Variants in TDRD9 observed in about 807,000 individuals in gnomAD.
The protein encoded by TDRD9 is ATP-dependent RNA helicase TDRD9.
TDRD9 carries 124 observed loss-of-function variants against 172.6 expected under a neutral mutation model. That is an observed-to-expected ratio of 0.72 (90% CI 0.62 to 0.83). The LOEUF (loss-of-function observed/expected upper bound fraction) is 0.83, where lower values mean the gene tolerates loss of function less well. Among genes scored for constraint, TDRD9 ranks in the 40% least tolerant of loss-of-function variants. The pLI is 0.00. For missense variants in TDRD9, 1,479 were observed against 1,714.1 expected, an observed-to-expected ratio of 0.86 and a Z score of 2.42; for synonymous variants, 619 against 617.1, an observed-to-expected ratio of 1.00 and a Z score of -0.05.
At chr14:104,045,030 C>T (rs2035724553) in intron 34 of TDRD9, among the ~76,000 whole-genome samples, 1 of 152,074 alleles carries the variant, frequency 6.6e-6, no homozygotes, top group South Asian at 2.1e-4. Context: ...GTAATCCCAG[C>T]TACTTGAGAG....
At chr14:104,002,854 C>G (rs545226682) in intron 13 of TDRD9, among the ~76,000 whole-genome samples, 2 of 151,886 alleles carry the variant, frequency 1.3e-5, no homozygotes, top group Admixed American at 1.3e-4. Context: ...CTTCAGCCTC[C>G]CAGGTAGCTG....
At chr14:104,018,867 A>G (rs2034870345) in intron 23 of TDRD9, among the ~76,000 whole-genome samples, 1 of 152,222 alleles carries the variant, frequency 6.6e-6, no homozygotes, top group Non-Finnish European at 1.5e-5. Context: ...TTTAATGTCC[A>G]GTTCACTCAA....
rs887517973 is a variant in TDRD9 at position 103,983,427 on chromosome 14, GA to G, written c.1012-2782del. ...CTTAATTTACTCTAAGTAAAAATTG[GA>G]AAAAAAATTTGCCCCTGTGATTGGC... On this transcript the variant is annotated intron_variant, in intron 7 of 35. Transcript: ENST00000409874. 7.5e-4 allele frequency among the ~76,000 whole-genome samples: 114 copies of G among 151,874 alleles called. 1 individual carries two copies. The East Asian group carries it at 0.017, about 23-fold the overall frequency.
At chr14:103,988,901 G>C (rs748800232) in intron 8 of TDRD9, among the ~76,000 whole-genome samples, 2 of 151,890 alleles carry the variant, frequency 1.3e-5, no homozygotes, top group Non-Finnish European at 2.9e-5. Context: ...TAAGAAGGAA[G>C]GAGGCAAAAT....
intron 34 of TDRD9, among the ~76,000 whole-genome samples, chr14:104,044,880 C>T (rs751528631): frequency 3.3e-5 from 5 of 152,212 alleles, no homozygotes; most frequent in Non-Finnish European, 5.9e-5. Context: ...TATTGGCTTA[C>T]GCCTGTAATC....
At chr14:104,026,569 A>G (rs2035124703) in intron 27 of TDRD9, 110 bp from the exon 28 acceptor site, 2 of 1,299,470 alleles carry the variant, frequency 1.5e-6, no homozygotes, top group South Asian at 1.5e-5. Flanking sequence ...TGGGACTTTT[A>G]TGAGAATATT....
chr14:103,954,070 T>C (rs2032077711), intron 1 of TDRD9, among the ~76,000 whole-genome samples: 1 of 152,168 alleles, frequency 6.6e-6, no homozygotes, highest in Non-Finnish European at 1.5e-5. Context: ...TTGACAACAG[T>C]GCATTTAAAC....
chr14:103,932,218 A>G (rs1228511697), intron 1 of TDRD9, among the ~76,000 whole-genome samples: 1 of 152,180 alleles, frequency 6.6e-6, no homozygotes, highest in Non-Finnish European at 1.5e-5. Flanking sequence ...TAGGGTACAA[A>G]TCTGGTGGCA....
chr14:104,002,653 C>T (rs536700239), intron 13 of TDRD9, among the ~76,000 whole-genome samples: 6 of 152,030 alleles, frequency 3.9e-5, no homozygotes, highest in East Asian at 1.9e-4. Context: ...TTATAGTTTA[C>T]TATATGCAGA....
chr14:103,932,666 C>T (rs771121338), intron 1 of TDRD9, among the ~76,000 whole-genome samples: 2 of 150,910 alleles, frequency 1.3e-5, no homozygotes, highest in Non-Finnish European at 3.0e-5. Flanking sequence ...GGATTACAGG[C>T]GTGAGGTACT....
chr14:104,031,470 T>TTC (rs1555375135), intron 29 of TDRD9, among the ~76,000 whole-genome samples: 3 of 128,414 alleles, frequency 2.3e-5, no homozygotes, highest in Admixed American at 1.5e-4. Context: ...TTTGACTAGT[T>TTC]TTTTTTTTTT....
rs557359955 is a variant in TDRD9, at chr14:103,964,983, G to C, written c.421-350G>C. Among the ~76,000 whole-genome samples the C allele has an allele frequency of 3.9e-5, 6 of 152,134 alleles. No individual in the cohort carries two copies. In the East Asian group the frequency reaches 1.2e-3, roughly 29 times the overall value. Reference sequence around the variant, plus strand: ...AGCAATTTGGGAGGCTGAGGCAGGCGGATCACTTGATGTCAGGAGTTCAAG... The same window carrying C: ...AGCAATTTGGGAGGCTGAGGCAGGCCGATCACTTGATGTCAGGAGTTCAAG... On this transcript the variant is annotated intron_variant, in intron 3 of 35. Transcript: ENST00000409874.
intron 28 of TDRD9, among the ~76,000 whole-genome samples, chr14:104,028,965 C>T (rs75769224): frequency 6.6e-6 from 1 of 152,120 alleles, no homozygotes; most frequent in Non-Finnish European, 1.5e-5. Flanking sequence ...GTTCTTGGAG[C>T]CTTTGTTGAA....
chr14:104,021,329 G>A (rs2034948240), intron 23 of TDRD9, among the ~76,000 whole-genome samples: 1 of 152,102 alleles, frequency 6.6e-6, no homozygotes, highest in African/African-American at 2.4e-5. Context: ...TTTGGGCAGG[G>A]ACACAGATCT....
At chr14:103,941,765 G>T in intron 1 of TDRD9, 2 of 1,231,414 alleles carry the variant, frequency 1.6e-6, no homozygotes, top group Non-Finnish European at 1.1e-6. Context: ...GCAAATATTT[G>T]TTTCTTTACA....
intron 1 of TDRD9, chr14:103,941,148 G>T: frequency 7.1e-7 from 1 of 1,415,670 alleles, no homozygotes; most frequent in Admixed American, 2.2e-5. Context: ...AACATTTTTT[G>T]TTATATCTCT....
chr14:103,989,507 T>C (rs533706575), intron 8 of TDRD9, among the ~76,000 whole-genome samples: 1 of 152,342 alleles, frequency 6.6e-6, no homozygotes, highest in South Asian at 2.1e-4. Flanking sequence ...CATCTTTAGG[T>C]CCATGGATGG....
At chr14:104,032,144 T>A in intron 30 of TDRD9, 57 bp downstream of exon 30, 1 of 1,033,418 alleles carries the variant, frequency 9.7e-7, no homozygotes, top group South Asian at 1.5e-5. Flanking sequence ...TGTTTATAGA[T>A]CTCATCAGAA....
chr14:103,938,432 A>AT (rs1343962171), intron 1 of TDRD9, among the ~76,000 whole-genome samples: 619 of 37,066 alleles, frequency 0.017, 21 homozygotes, highest in East Asian at 0.041. Flanking sequence ...ATATATATAT[A>AT]TATATATATT....
Sources: allele counts gnomAD v4.1 joint callset (sites outside exome capture counted in the v4.1 genomes callset), GRCh38; gene constraint gnomAD v4.1.1; transcripts MANE v1.5; gene names NCBI Gene and HGNC (gene_info 2026-07-23, HGNC 2026-07-21).